Variants in NFX1 observed in about 807,000 individuals in gnomAD.
NFX1 encodes nuclear transcription factor, X-box binding 1, also known as transcriptional repressor NF-X1.
Under a neutral mutation model 137.2 loss-of-function variants are expected in NFX1, and 69 were observed. The ratio of observed to expected loss-of-function variants is 0.50; its 90% CI spans 0.41 to 0.61. The LOEUF is 0.61. Among genes scored for constraint, NFX1 ranks in the 20% least tolerant of loss-of-function variants. The pLI, the probability that NFX1 is intolerant of heterozygous loss-of-function variation, is 0.00. For missense variants in NFX1, 1,167 were observed against 1,391.0 expected (o/e 0.84, Z 2.56); for synonymous variants, 495 against 474.1 (o/e 1.04, Z -0.57).
rs775187592 is a variant in NFX1, at chr9:33,307,249, G to C, written c.1326G>C (p.Glu442Asp). The C allele has an allele frequency of 9.3e-6, 15 of 1,614,046 alleles. No homozygotes were observed. Among genetic ancestry groups the C allele is most frequent in the African/African-American group, 1.3e-5 (1 of 74,932 alleles). ...ATGAAATTCCACATAGCTGTGGTGA[G>C]GTTTGTAGAAAGAAACAGCCTGGCC... The part of the protein sequence containing the change: ...SRNEIPHSCG[E>D]VCRKKQPGQD... Residue 442 changes from glutamate (E) to aspartate (D), a missense_variant, in exon 5 of 24, where the codon GAG (glutamate) becomes GAC (aspartate). Glu to Asp is a conservative substitution (Grantham distance 45). Around this residue, in one of 3 missense-constraint regions of NFX1, gnomAD observed 488 missense variants for 691.5 expected, o/e 0.71. Transcript: ENST00000379540.
At chr9:33,293,444 T>C (rs1821232759) in intron 1 of NFX1, among the ~76,000 whole-genome samples, 1 of 152,236 alleles carries the variant, frequency 6.6e-6, no homozygotes, top group South Asian at 2.1e-4. Flanking sequence ...GTGTGTGTTA[T>C]TAACTTGCTT....
At chr9:33,349,104 G>A (rs368306537) in intron 15 of NFX1, among the ~76,000 whole-genome samples, 8 of 152,106 alleles carry the variant, frequency 5.3e-5, no homozygotes, top group African/African-American at 1.9e-4. Flanking sequence ...ACATCAATGT[G>A]TTATCTTCGT....
At chr9:33,347,618 G>A (rs765869641) in intron 15 of NFX1, 22 of 330,382 alleles carry the variant, frequency 6.7e-5, no homozygotes, top group Non-Finnish European at 6.1e-6. Flanking sequence ...GGAAAACTGT[G>A]GAGATTCCTT....
At chr9:33,325,130 A>C (rs1315472411) in intron 9 of NFX1, among the ~76,000 whole-genome samples, 1 of 152,174 alleles carries the variant, frequency 6.6e-6, no homozygotes, top group Non-Finnish European at 1.5e-5. Flanking sequence ...TGTATTGAAA[A>C]ACACTACACA....
intron 19 of NFX1, among the ~76,000 whole-genome samples, chr9:33,359,596 C>G (rs1823927789): frequency 6.6e-6 from 1 of 150,968 alleles, no homozygotes; most frequent in African/African-American, 2.4e-5. Flanking sequence ...AAGACTCAGT[C>G]TCACCAAAAA....
intron 5 of NFX1, among the ~76,000 whole-genome samples, chr9:33,310,226 C>T (rs1352916115): frequency 6.6e-6 from 1 of 152,170 alleles, no homozygotes; most frequent in African/African-American, 2.4e-5. Context: ...ACAGCAAATT[C>T]TGTTACCCAT....
intron 2 of NFX1, among the ~76,000 whole-genome samples, chr9:33,298,832 A>G (rs976903300): frequency 6.6e-6 from 1 of 152,192 alleles, no homozygotes; most frequent in Non-Finnish European, 1.5e-5. Context: ...GGCTCTAAGA[A>G]GGCAACAGGA....
Position 33,294,277 on chromosome 9 carries a change from T to C in NFX1, c.26-143T>C. On this transcript the variant is annotated intron_variant, in intron 1 of 23. Transcript: ENST00000379540. ...CCACAAGCACCTTGAACCCATCACC[T>C]TCACTGGAAACATAGTTCTTACTTA... is the stretch of plus-strand genomic sequence containing the variant. 4 of 772,082 alleles carry C rather than the reference T, an allele frequency of 5.2e-6. No homozygotes were observed. In the South Asian group the frequency reaches 7.8e-5, roughly 15 times the overall value. The allele number at this position is 772,082 out of a possible 1,614,324, so 47.8% of individuals were successfully genotyped here. A position where few individuals can be genotyped will look rare whatever the true frequency, so the allele number is the denominator to read the frequency against.
At chr9:33,311,058 G>A in intron 5 of NFX1, 48 bp from the exon 6 acceptor site, 2 of 1,585,306 alleles carry the variant, frequency 1.3e-6, no homozygotes, top group East Asian at 4.5e-5. Context: ...CTTTGTTCGG[G>A]TTTGGATACA....
chr9:33,337,274 C>T (rs1038238489), intron 11 of NFX1, among the ~76,000 whole-genome samples: 2 of 152,130 alleles, frequency 1.3e-5, no homozygotes, highest in Admixed American at 6.5e-5. Context: ...AATTTTTTCT[C>T]ATCATTTTCT....
intron 7 of NFX1, among the ~76,000 whole-genome samples, chr9:33,316,812 GTC>G (rs368658284): frequency 4.3e-4 from 66 of 152,148 alleles, no homozygotes; most frequent in African/African-American, 1.4e-3. Flanking sequence ...TCATATTTCT[GTC>G]TCTCGTGCCT....
At chr9:33,318,380 ATGG>A (rs1469778513) in intron 7 of NFX1, among the ~76,000 whole-genome samples, 1 of 152,202 alleles carries the variant, frequency 6.6e-6, no homozygotes, top group Non-Finnish European at 1.5e-5. Context: ...CTCACAGTGA[ATGG>A]TGTTCAGCCA....
At chr9:33,309,595 A>G (rs1485436590) in intron 5 of NFX1, among the ~76,000 whole-genome samples, 1 of 152,192 alleles carries the variant, frequency 6.6e-6, no homozygotes, top group Non-Finnish European at 1.5e-5. Flanking sequence ...TCTGGTCTCC[A>G]AGAAAGCTTT....
chr9:33,304,114 T>C (rs1251911942), intron 4 of NFX1, among the ~76,000 whole-genome samples: 2 of 152,096 alleles, frequency 1.3e-5, no homozygotes, highest in Non-Finnish European at 2.9e-5. Context: ...TAAAATAAGT[T>C]AGCTGGGCAT....
In NFX1 at chr9:33,352,680, A is replaced by T. The variant is rs749063841; in HGVS notation, c.2690A>T (p.Glu897Val). 1 of 1,614,106 alleles carries T rather than the reference A, an allele frequency of 6.2e-7. No individual in the cohort carries two copies. Among genetic ancestry groups the T allele is most frequent in the Non-Finnish European group, 8.5e-7 (1 of 1,180,024 alleles). ...ELQCECGRRK[E>V]MVICSEASST... ...CAGTGTGAATGTGGACGAAGAAAAG[A>T]GATGGTGATTTGCTCTGAAGCATCT... Residue 897 changes from glutamate to valine, a missense_variant, in exon 17 of 24, where the codon GAG becomes GTG. Transcript: ENST00000379540.
At chr9:33,291,326 C>G (rs1314072496) in intron 1 of NFX1, among the ~76,000 whole-genome samples, 2 of 152,184 alleles carry the variant, frequency 1.3e-5, no homozygotes, top group Non-Finnish European at 2.9e-5. Context: ...AATATAAAAG[C>G]GAACCAGAAG....
At chr9:33,330,676 C>T (rs1220370316) in intron 10 of NFX1, among the ~76,000 whole-genome samples, 1 of 152,156 alleles carries the variant, frequency 6.6e-6, no homozygotes, top group East Asian at 1.9e-4. Flanking sequence ...CCCACAATCC[C>T]TCTTTCTATC....
In NFX1 at chr9:33,366,683, C is replaced by T. The variant is rs752811815; in HGVS notation, c.3094C>T (p.Arg1032Trp). The change falls in exon 22 of 24, where the codon CGG (arginine) becomes TGG (tryptophan). Residue 1032 changes from arginine (R) to tryptophan (W), a missense_variant. Arg to Trp is a moderately radical substitution (Grantham distance 101). Coordinates refer to ENST00000379540, the MANE Select transcript of NFX1 (RefSeq NM_002504.6). Reference sequence around the variant, plus strand: ...CCCTCCCATGAACAGAGACCACCGCCGGATCATCCATGACTTGGCCCAAGT... The same window carrying T: ...CCCTCCCATGAACAGAGACCACCGCTGGATCATCCATGACTTGGCCCAAGT... ...SFPPMNRDHR[R>W]IIHDLAQVYG... The T allele has an allele frequency of 6.2e-7, 1 of 1,614,160 alleles. No homozygotes were observed. Among genetic ancestry groups the T allele is most frequent in the Non-Finnish European group, 8.5e-7 (1 of 1,180,038 alleles).
chr9:33,325,828 A>G (rs923216841), intron 9 of NFX1, among the ~76,000 whole-genome samples: 1 of 152,210 alleles, frequency 6.6e-6, no homozygotes, highest in Non-Finnish European at 1.5e-5. Flanking sequence ...GTAAACCCAA[A>G]TAGAATTTCA....
Sources: gnomAD v4.1 joint callset for allele counts (sites outside exome capture counted in the v4.1 genomes callset) on GRCh38, gnomAD v4.1.1 for gene constraint, gnomAD v4.1.1 regional missense constraint, MANE v1.5 for transcripts, NCBI Gene and HGNC (gene_info 2026-07-23, HGNC 2026-07-21) for gene names.